ADCY9: variants seen among roughly 807,000 people sequenced by gnomAD.
The protein encoded by ADCY9 is adenylate cyclase type 9.
Under a neutral mutation model 101.5 loss-of-function variants are expected in ADCY9, and 50 were observed. That is an observed-to-expected ratio of 0.49 (90% CI 0.39 to 0.62). The LOEUF is 0.62. Ranked by LOEUF, ADCY9 falls within the 20% of genes least tolerant of loss-of-function variation. ADCY9 has a pLI of 0.00. For synonymous variants in ADCY9, 905 were observed against 769.3 expected, an observed-to-expected ratio of 1.18 and a Z score of -2.92; for missense variants, 1,662 against 1,800.4, an observed-to-expected ratio of 0.92 and a Z score of 1.39.
At chr16:3,995,972 C>A (rs2056283653) in intron 3 of ADCY9, among the ~76,000 whole-genome samples, 1 of 152,056 alleles carries the variant, frequency 6.6e-6, no homozygotes, top group African/African-American at 2.4e-5. Context: ...TCTTTAAAAA[C>A]TGACATTATC....
At chr16:4,091,034 T>C (rs1287460454) in intron 2 of ADCY9, among the ~76,000 whole-genome samples, 2 of 151,882 alleles carry the variant, frequency 1.3e-5, no homozygotes, top group Non-Finnish European at 2.9e-5. Context: ...AGGTAACTTT[T>C]TACAGGGTCT....
At chr16:4,021,199 T>C (rs1282895691) in intron 2 of ADCY9, among the ~76,000 whole-genome samples, 2 of 152,258 alleles carry the variant, frequency 1.3e-5, no homozygotes, top group Admixed American at 6.5e-5. Flanking sequence ...AACACACTGC[T>C]GCACAATGGG....
chr16:4,084,415 A>G (rs1371764527), intron 2 of ADCY9, among the ~76,000 whole-genome samples: 3 of 152,034 alleles, frequency 2.0e-5, no homozygotes, highest in Non-Finnish European at 4.4e-5. Flanking sequence ...CCCAGCCTCA[A>G]TAAAGCATTT....
Position 3,992,472 on chromosome 16 carries a change from G to A in ADCY9, c.1990-109C>T. 1 of 999,758 alleles carries A rather than the reference G, an allele frequency of 1.0e-6. No individual in the cohort carries two copies. The highest frequency in any genetic ancestry group is 1.6e-5 in the South Asian group (1 of 62,558). 61.9% of individuals were successfully genotyped at this position (999,758 alleles called of 1,614,324 possible). The stretch of plus-strand genomic sequence containing the variant: ...CCGCTGCGGGGCGCTGCTGCACTGG[G>A]CGTGGGACTTTCTGACCTGCGAGGA... On this transcript the variant is annotated intron_variant, in intron 4 of 10. Transcript: ENST00000294016. This position sits in a 1 kb window ranked among gnomAD's most constrained non-coding sequence, Gnocchi z 4.2.
chr16:4,101,119 G>A (rs1346548986), intron 2 of ADCY9, among the ~76,000 whole-genome samples: 1 of 152,134 alleles, frequency 6.6e-6, no homozygotes, highest in Non-Finnish European at 1.5e-5. Context: ...CAGCCTTTGG[G>A]TTTAAATACT....
At chr16:4,077,897 G>A (rs1416355847) in intron 2 of ADCY9, among the ~76,000 whole-genome samples, 2 of 131,766 alleles carry the variant, frequency 1.5e-5, no homozygotes, top group African/African-American at 5.2e-5. Flanking sequence ...TAGTACTTGG[G>A]AGTCTTCGGC....
At chr16:4,088,311 A>G (rs2056952622) in intron 2 of ADCY9, among the ~76,000 whole-genome samples, 1 of 151,800 alleles carries the variant, frequency 6.6e-6, no homozygotes. Flanking sequence ...TCTTTGTTTT[A>G]GATAGGGTCT....
At chr16:4,092,812 C>G (rs574501814) in intron 2 of ADCY9, among the ~76,000 whole-genome samples, 5 of 152,260 alleles carry the variant, frequency 3.3e-5, no homozygotes, top group Admixed American at 2.6e-4. Flanking sequence ...GCAGGCTGAA[C>G]GAGCTTAATT....
At chr16:3,991,398 G>C (rs926475975) in intron 5 of ADCY9, among the ~76,000 whole-genome samples, 3 of 152,024 alleles carry the variant, frequency 2.0e-5, no homozygotes, top group Non-Finnish European at 4.4e-5. Context: ...CTGGCCAGAG[G>C]GAGAGCCTGA....
intron 2 of ADCY9, among the ~76,000 whole-genome samples, chr16:4,047,201 A>C (rs1254399718): frequency 1.3e-5 from 2 of 152,192 alleles, no homozygotes; most frequent in Non-Finnish European, 2.9e-5. Context: ...AGGATTTATA[A>C]AGTAAATAAA....
intron 2 of ADCY9, among the ~76,000 whole-genome samples, chr16:4,024,447 C>T (rs2056500101): frequency 6.6e-6 from 1 of 152,236 alleles, no homozygotes; most frequent in Non-Finnish European, 1.5e-5. Flanking sequence ...TGTACGACGT[C>T]AAGCACAGCT....
At chr16:4,094,778 T>C (rs188824452) in intron 2 of ADCY9, among the ~76,000 whole-genome samples, 246 of 152,266 alleles carry the variant, frequency 1.6e-3, no homozygotes, top group African/African-American at 5.5e-3. Flanking sequence ...AAAGCTTTCA[T>C]GTGTGCTCAT....
chr16:4,009,553 G>A (rs2056389630), intron 2 of ADCY9, among the ~76,000 whole-genome samples: 1 of 152,082 alleles, frequency 6.6e-6, no homozygotes, highest in South Asian at 2.1e-4. Context: ...CACCACACCT[G>A]GTCCAATGAA....
chr16:4,107,905 A>G (rs1296355577), intron 2 of ADCY9, among the ~76,000 whole-genome samples: 1 of 152,212 alleles, frequency 6.6e-6, no homozygotes, highest in Admixed American at 6.5e-5. Flanking sequence ...AACTCCTCTA[A>G]GGCAAAGGTC....
intron 5 of ADCY9, among the ~76,000 whole-genome samples, chr16:3,990,514 T>A (rs1874314769): frequency 6.6e-6 from 1 of 151,416 alleles, no homozygotes; most frequent in South Asian, 2.1e-4. Flanking sequence ...AAGTGCCTCA[T>A]GTGCCCCCCA....
intron 2 of ADCY9, among the ~76,000 whole-genome samples, chr16:4,095,082 A>C (rs1371325431): frequency 6.7e-6 from 1 of 149,684 alleles, no homozygotes; most frequent in Non-Finnish European, 1.5e-5. Context: ...AGCTCACTGC[A>C]ACCTCTACTT....
intron 2 of ADCY9, among the ~76,000 whole-genome samples, chr16:4,050,999 G>A (rs2141148898): frequency 6.6e-6 from 1 of 151,628 alleles, no homozygotes; most frequent in East Asian, 2.0e-4. Context: ...GATCACCTGA[G>A]GTTACAAGTT....
intron 2 of ADCY9, among the ~76,000 whole-genome samples, chr16:4,088,610 A>T (rs2056954305): frequency 6.6e-6 from 1 of 151,946 alleles, no homozygotes; most frequent in South Asian, 2.1e-4. Flanking sequence ...AAAATTATGA[A>T]CAAGATCCTG....
intron 2 of ADCY9, among the ~76,000 whole-genome samples, chr16:4,059,744 A>G (rs1433099382): frequency 1.3e-5 from 2 of 152,150 alleles, no homozygotes; most frequent in African/African-American, 4.8e-5. Flanking sequence ...CGAAAAACAA[A>G]AAAGTCAGCC....
Sources: gnomAD v4.1 joint callset for allele counts (sites outside exome capture counted in the v4.1 genomes callset) on GRCh38, gnomAD v4.1.1 for gene constraint, Gnocchi (gnomAD v3.1) non-coding constraint, MANE v1.5 for transcripts, NCBI Gene and HGNC (gene_info 2026-07-23, HGNC 2026-07-21) for gene names.